Variants in NFIB observed in about 807,000 individuals in gnomAD.
The protein encoded by NFIB is nuclear factor I B.
NFIB carries 11 observed loss-of-function variants against 61.5 expected under a neutral mutation model. That is an observed-to-expected ratio of 0.18 (90% CI 0.11 to 0.30). The LOEUF is 0.30. NFIB is among the 10% of genes least tolerant of loss of function. The pLI, the probability that NFIB is intolerant of heterozygous loss-of-function variation, is 1.00. For synonymous variants in NFIB, 260 were observed against 216.5 expected, an observed-to-expected ratio of 1.20 and a Z score of -1.76; for missense variants, 471 against 608.9, an observed-to-expected ratio of 0.77 and a Z score of 2.38.
At chr9:14,321,676 A>G (rs953460334) in intron 1 of NFIB, among the ~76,000 whole-genome samples, 15 of 152,212 alleles carry the variant, frequency 9.9e-5, no homozygotes, top group Non-Finnish European at 1.0e-4. Flanking sequence ...TTGGACCACA[A>G]TGTTACTCAC....
At chr9:14,230,292 A>C (rs1350086938) in intron 2 of NFIB, among the ~76,000 whole-genome samples, 1 of 152,224 alleles carries the variant, frequency 6.6e-6, no homozygotes, top group Non-Finnish European at 1.5e-5. Context: ...TCATGTCCTC[A>C]TAGAGCTTTG....
the NFIB span, among the ~76,000 whole-genome samples, chr9:14,437,175 C>T: frequency 6.6e-6 from 1 of 152,190 alleles, no homozygotes; most frequent in African/African-American, 2.4e-5. Context: ...TTCTTTATGC[C>T]TCTGACATGC....
chr9:14,198,283 G>T (rs1441805174), intron 2 of NFIB, among the ~76,000 whole-genome samples: 1 of 152,054 alleles, frequency 6.6e-6, no homozygotes, highest in African/African-American at 2.4e-5. Flanking sequence ...TTCTAAAGTC[G>T]TTTCGGATGT....
At chr9:14,514,652 T>C in the NFIB span, among the ~76,000 whole-genome samples, 2 of 152,166 alleles carry the variant, frequency 1.3e-5, no homozygotes. Context: ...GCTTGAGAGA[T>C]GGCTGAATTG....
chr9:14,103,199 G>A (rs546745725), intron 10 of NFIB, among the ~76,000 whole-genome samples: 14 of 152,208 alleles, frequency 9.2e-5, no homozygotes, highest in African/African-American at 2.9e-4. Context: ...CCAGATCTCC[G>A]AATCATCAGC....
Position 14,346,291 on chromosome 9 carries a change from C to CCCCCG in NFIB, c.109-38772_109-38771insCGGGG, listed in dbSNP as rs144301252. Among the ~76,000 whole-genome samples, 2 of 38,734 alleles carry CCCCCG rather than the reference C, an allele frequency of 5.2e-5. 1 individual carries two copies. Among genetic ancestry groups the CCCCCG allele is most frequent in the Non-Finnish European group, 1.8e-4 (2 of 11,230 alleles). The allele number at this position is 38,734 out of a possible 152,430, so 25.4% of individuals were successfully genotyped here. On this transcript the variant is annotated intron_variant, in intron 1 of 8. Transcript: ENST00000380934. ...CCGCAGTCACACGAGGTAACCGACA[C>CCCCCG]CCCCCCCCCGTAACCTGAGCTAAAG...
chr9:14,397,861 C>A (rs886355140), intron 1 of NFIB, among the ~76,000 whole-genome samples: 6 of 152,126 alleles, frequency 3.9e-5, no homozygotes, highest in African/African-American at 1.4e-4. Flanking sequence ...TTTCAGAGAA[C>A]CAAGATAAAA....
chr9:14,144,703 A>G (rs1248843044), intron 6 of NFIB, among the ~76,000 whole-genome samples: 1 of 152,226 alleles, frequency 6.6e-6, no homozygotes. Flanking sequence ...TATGAGTACA[A>G]TGAAAGAACA....
chr9:14,171,821 G>A (rs181007306), intron 3 of NFIB, among the ~76,000 whole-genome samples: 321 of 152,264 alleles, frequency 2.1e-3, no homozygotes, highest in South Asian at 0.011. Context: ...GGACACATAG[G>A]TCTAAATCAT....
At chr9:14,317,401 G>T (rs755658604), upstream of NFIB, 2 of 152,252 alleles carry the variant, frequency 1.3e-5, no homozygotes, top group African/African-American at 2.4e-5. Flanking sequence ...TCACTTAGGG[G>T]TTCAAATCTC....
the NFIB span, among the ~76,000 whole-genome samples, chr9:14,420,445 CAAAAAAAAAAA>C: frequency 4.7e-5 from 2 of 42,418 alleles, no homozygotes; most frequent in African/African-American, 9.5e-5. Flanking sequence ...GACTCCGTCT[CAAAAAAAAAAA>C]AAAAAAAAAA....
chr9:14,244,771 A>T (rs905242234), intron 2 of NFIB, among the ~76,000 whole-genome samples: 2 of 152,212 alleles, frequency 1.3e-5, no homozygotes, highest in African/African-American at 4.8e-5. Flanking sequence ...AAATGCCTGG[A>T]ACACAATAAG....
At chr9:14,462,516 T>C in the NFIB span, among the ~76,000 whole-genome samples, 1 of 152,130 alleles carries the variant, frequency 6.6e-6, no homozygotes, top group Admixed American at 6.5e-5. Flanking sequence ...TCTCCTGACC[T>C]CATGATCAGC....
intron 1 of NFIB, among the ~76,000 whole-genome samples, chr9:14,329,583 C>T (rs1267019599): frequency 6.6e-5 from 10 of 152,068 alleles, no homozygotes; most frequent in African/African-American, 2.4e-4. Flanking sequence ...GGCGCAACCT[C>T]GGCTCACTGC....
Position 14,313,588 on chromosome 9 carries a change from T to A in NFIB, c.-77A>T. ...AAGCAAGAATTTCATCTATTCATTT[T>A]ACAGTCATCTGAGCCCCGCGATGCG... On this transcript the variant is annotated 5_prime_UTR_variant, in exon 1 of 11. Coordinates refer to ENST00000380953, the MANE Select transcript of NFIB (RefSeq NM_001190737.2). This position sits in a 1 kb window ranked among gnomAD's most constrained non-coding sequence, Gnocchi z 4.5. 6.2e-7 allele frequency: 1 copy of A among 1,610,042 alleles called. No homozygotes were observed. Among genetic ancestry groups the A allele is most frequent in the Non-Finnish European group, 8.5e-7 (1 of 1,177,972 alleles).
chr9:14,301,621 A>T (rs1315009729), intron 2 of NFIB, among the ~76,000 whole-genome samples: 1 of 151,970 alleles, frequency 6.6e-6, no homozygotes, highest in Non-Finnish European at 1.5e-5. Context: ...AAATGAGATC[A>T]TATTAACTGC....
At chr9:14,503,812 G>A in the NFIB span, among the ~76,000 whole-genome samples, 2 of 152,142 alleles carry the variant, frequency 1.3e-5, no homozygotes, top group Admixed American at 1.3e-4. Flanking sequence ...CTGTGAAGAA[G>A]CTATTTAGTT....
the NFIB span, among the ~76,000 whole-genome samples, chr9:14,464,119 C>G: frequency 6.6e-6 from 1 of 152,092 alleles, no homozygotes; most frequent in Non-Finnish European, 1.5e-5. Flanking sequence ...TGAACCAAAT[C>G]TGGTAGTAGA....
At chr9:14,196,556 CA>C (rs1478294849) in intron 2 of NFIB, among the ~76,000 whole-genome samples, 2 of 152,048 alleles carry the variant, frequency 1.3e-5, no homozygotes, top group Non-Finnish European at 2.9e-5. Flanking sequence ...CCTTTAATCA[CA>C]AATCAAACAA....
Sources: allele counts gnomAD v4.1 joint callset (sites outside exome capture counted in the v4.1 genomes callset), GRCh38; gene constraint gnomAD v4.1.1; non-coding constraint Gnocchi (gnomAD v3.1); transcripts MANE v1.5; gene names NCBI Gene and HGNC (gene_info 2026-07-23, HGNC 2026-07-21).